The following SPMAP2 variants were observed in gnomAD, a reference collection of about 807,000 sequenced individuals.
SPMAP2 encodes sperm microtubule associated protein 2.
chr19:366,993 G>A, the SPMAP2 span: 12 of 1,513,144 alleles, frequency 7.9e-6, no homozygotes, highest in East Asian at 2.7e-4. Flanking sequence ...CCCGCTCTAG[G>A]CAGAGGTATA....
chr19:374,034 C>T, the SPMAP2 span: 1 of 1,609,350 alleles, frequency 6.2e-7, no homozygotes, highest in Non-Finnish European at 8.5e-7. Flanking sequence ...AGGGTCCGAG[C>T]CCCACTGCCT....
chr19:374,794 G>A, the SPMAP2 span, among the ~76,000 whole-genome samples: 1 of 152,240 alleles, frequency 6.6e-6, no homozygotes, highest in South Asian at 2.1e-4. Flanking sequence ...GGCCCCAGAG[G>A]GGCAACCACC....
At chr19:363,372 C>A in the SPMAP2 span, among the ~76,000 whole-genome samples, 1 of 151,796 alleles carries the variant, frequency 6.6e-6, no homozygotes, top group Non-Finnish European at 1.5e-5. Flanking sequence ...TTTCTATTTT[C>A]AGCAGAGACG....
chr19:375,872 C>T, the SPMAP2 span: 1 of 1,580,304 alleles, frequency 6.3e-7, no homozygotes, highest in Non-Finnish European at 8.6e-7. Flanking sequence ...ACACAGAGCT[C>T]TGGAGGCCAC....
the SPMAP2 span, chr19:374,635 G>T: frequency 9.9e-6 from 6 of 603,350 alleles, no homozygotes; most frequent in Non-Finnish European, 1.7e-5. Context: ...TGGAAGACCC[G>T]TCCAGGTCAC....
At chr19:372,674 A>T in the SPMAP2 span, 4 of 1,614,042 alleles carry the variant, frequency 2.5e-6, no homozygotes, top group East Asian at 8.9e-5. Flanking sequence ...TTGGGCCGAG[A>T]CAGTTCCTCC....
At chr19:373,401 G>T in the SPMAP2 span, 2 of 1,471,988 alleles carry the variant, frequency 1.4e-6, no homozygotes, top group South Asian at 1.1e-5. Flanking sequence ...TATCTAGATG[G>T]GGCGGGGCAG....
the SPMAP2 span, chr19:367,012 C>T: frequency 6.3e-7 from 1 of 1,589,202 alleles, no homozygotes; most frequent in Non-Finnish European, 8.6e-7. Context: ...TAAGGTGTCC[C>T]TTGGGATCTG....
chr19:372,468 C>T, the SPMAP2 span, among the ~76,000 whole-genome samples: 1 of 152,292 alleles, frequency 6.6e-6, no homozygotes, highest in South Asian at 2.1e-4. Context: ...TGGGAAGCAG[C>T]CTGCTGGGGA....
the SPMAP2 span, among the ~76,000 whole-genome samples, chr19:371,527 A>G: frequency 6.6e-6 from 1 of 152,172 alleles, no homozygotes; most frequent in East Asian, 1.9e-4. Context: ...GTCTCCAAAC[A>G]GGGATTCGTA....
At chr19:374,299 C>G in the SPMAP2 span, 8 of 1,613,910 alleles carry the variant, frequency 5.0e-6, no homozygotes, top group East Asian at 4.5e-5. Context: ...GTGTCCTCAC[C>G]TGTCTTTCAG....
chr19:365,842 G>A, the SPMAP2 span, among the ~76,000 whole-genome samples: 42 of 152,242 alleles, frequency 2.8e-4, no homozygotes, highest in African/African-American at 9.9e-4. Flanking sequence ...TCTGCTTCAC[G>A]TTTTAAAAAT....
chr19:373,547 G>A, the SPMAP2 span: 25 of 1,612,290 alleles, frequency 1.6e-5, no homozygotes, highest in East Asian at 2.0e-4. Context: ...ATAAGCGGAC[G>A]GCTCAGGGCA....
the SPMAP2 span, chr19:362,448 G>C: frequency 1.3e-6 from 2 of 1,563,142 alleles, no homozygotes; most frequent in African/African-American, 1.4e-5. Context: ...AGAAGAGAAG[G>C]ACAGCACTGA....
chr19:370,237 T>A, the SPMAP2 span, among the ~76,000 whole-genome samples: 3 of 152,238 alleles, frequency 2.0e-5, no homozygotes, highest in Non-Finnish European at 2.9e-5. Context: ...GGTCAGTTTT[T>A]TAAAAGTTAC....
chr19:375,923 C>T, the SPMAP2 span: 1 of 1,485,422 alleles, frequency 6.7e-7, no homozygotes, highest in East Asian at 2.5e-5. Context: ...TGCCCGCAGC[C>T]TCAGAGCTGG....
At chr19:370,438 T>C in the SPMAP2 span, among the ~76,000 whole-genome samples, 3 of 148,536 alleles carry the variant, frequency 2.0e-5, no homozygotes, top group Non-Finnish European at 4.5e-5. Flanking sequence ...GCCTCCCGGG[T>C]TCAAGCGATT....
At chr19:374,497 T>G in the SPMAP2 span, 1 of 1,590,822 alleles carries the variant, frequency 6.3e-7, no homozygotes, top group Non-Finnish European at 8.6e-7. Flanking sequence ...GAAGCGTGGG[T>G]CTTGCTCAAG....
At chr19:368,084 T>C in the SPMAP2 span, among the ~76,000 whole-genome samples, 1,295 of 152,134 alleles carry the variant, frequency 8.5e-3, 16 homozygotes, top group African/African-American at 0.028. The surrounding 1 kb of genome is among the most constrained non-coding windows in gnomAD (Gnocchi z 4.1). Flanking sequence ...TTCTCAGCAG[T>C]GGCCAGCACA....
Sources: gnomAD v4.1 joint callset for allele counts (sites outside exome capture counted in the v4.1 genomes callset) on GRCh38, gnomAD v4.1.1 for gene constraint, Gnocchi (gnomAD v3.1) non-coding constraint, MANE v1.5 for transcripts, NCBI Gene and HGNC (gene_info 2026-07-23, HGNC 2026-07-21) for gene names.